Variants in ANKRD11 observed in about 807,000 individuals in gnomAD.
ANKRD11 encodes the protein ankyrin repeat domain-containing protein 11.
ANKRD11 carries 17 observed loss-of-function variants against 195.7 expected under a neutral mutation model. The observed-to-expected ratio is 0.09, with a 90% confidence interval of 0.06 to 0.13. ANKRD11 has a LOEUF of 0.13. Ranked by LOEUF, ANKRD11 falls within the 10% of genes least tolerant of loss-of-function variation. The pLI, the probability that ANKRD11 is intolerant of heterozygous loss-of-function variation, is 1.00. For missense variants in ANKRD11, 3,735 were observed against 3,566.1 expected, an observed-to-expected ratio of 1.05 and a Z score of -1.21; for synonymous variants, 1,953 against 1,528.1, an observed-to-expected ratio of 1.28 and a Z score of -6.49.
intron 2 of ANKRD11, among the ~76,000 whole-genome samples, chr16:89,358,975 A>G (rs1006671733): frequency 6.6e-6 from 1 of 152,096 alleles, no homozygotes; most frequent in Admixed American, 6.6e-5. Context: ...ACAGGCATGC[A>G]CCACCACACC....
At chr16:89,324,375 C>A in intron 2 of ANKRD11, 1 of 772,134 alleles carries the variant, frequency 1.3e-6, no homozygotes, top group Non-Finnish European at 1.9e-6. Context: ...GAGGGCGGCA[C>A]GTGGGCGCAA....
chr16:89,323,145 G>A (rs554874512), intron 2 of ANKRD11: 9 of 367,648 alleles, frequency 2.4e-5, no homozygotes, highest in African/African-American at 4.4e-5. Context: ...GGAGAAGCAC[G>A]GTCTCCAGCG....
chr16:89,271,037 C>G, intron 11 of ANKRD11, 128 bp from the exon 12 acceptor site: 1 of 819,652 alleles, frequency 1.2e-6, no homozygotes, highest in Non-Finnish European at 2.0e-6. Flanking sequence ...CATTCCACCG[C>G]GCACACACTG....
chr16:89,436,527 G>A (rs1305311177), intron 1 of ANKRD11, among the ~76,000 whole-genome samples: 3 of 152,256 alleles, frequency 2.0e-5, no homozygotes, highest in South Asian at 2.1e-4. Flanking sequence ...AGCCTCAAGC[G>A]ACGTCTGCCT....
At chr16:89,470,478 G>A (rs1192905162) in intron 1 of ANKRD11, among the ~76,000 whole-genome samples, 3 of 151,968 alleles carry the variant, frequency 2.0e-5, no homozygotes, top group South Asian at 2.1e-4. Context: ...CAGACTAAAC[G>A]TAGGTAGGGA....
chr16:89,445,720 G>A (rs1211128216), intron 1 of ANKRD11, among the ~76,000 whole-genome samples: 1 of 151,972 alleles, frequency 6.6e-6, no homozygotes, highest in African/African-American at 2.4e-5. Context: ...CACGCCTATA[G>A]TCCCAGCACT....
At chr16:89,324,783 T>C (rs1212626800) in intron 2 of ANKRD11, 1 of 292,104 alleles carries the variant, frequency 3.4e-6, no homozygotes, top group Non-Finnish European at 6.7e-6. Flanking sequence ...AAAGCTGCGC[T>C]GTTGGCTTCC....
At chr16:89,298,027 T>TGGGGTA (rs1567603617) in intron 4 of ANKRD11, 1 of 38,692 alleles carries the variant, frequency 2.6e-5, no homozygotes, top group African/African-American at 1.0e-4. Flanking sequence ...CAGGCCGGGG[T>TGGGGTA]GGGGTAGGGG....
At chr16:89,371,168 C>G (rs2040176277) in intron 2 of ANKRD11, among the ~76,000 whole-genome samples, 1 of 152,170 alleles carries the variant, frequency 6.6e-6, no homozygotes, top group Non-Finnish European at 1.5e-5. Context: ...TGGCTGGTCC[C>G]ACCAAGGAAG....
intron 2 of ANKRD11, among the ~76,000 whole-genome samples, chr16:89,408,264 A>G (rs1741141381): frequency 6.6e-6 from 1 of 152,240 alleles, no homozygotes; most frequent in South Asian, 2.1e-4. Flanking sequence ...TCTCCACCCT[A>G]GAGAAGTGGC....
Position 89,388,289 on chromosome 16 carries a change from G to C in ANKRD11, c.-60+29995C>G, listed in dbSNP as rs1258523802. 3.9e-5 allele frequency among the ~76,000 whole-genome samples: 3 copies of C among 76,986 alleles called. No homozygotes were observed. The Admixed American group carries it at 4.2e-4, about 11-fold the overall frequency. The allele number at this position is 76,986 out of a possible 152,430, so 50.5% of individuals were successfully genotyped here. On this transcript the variant is annotated intron_variant, in intron 2 of 12. Transcript: ENST00000301030. Reference sequence around the variant, plus strand: ...CCGGGTGCTCTCTTCTCTCCATGAGGCTGATTTTTTTTTTTTTTTTTTTTT... The same window carrying C: ...CCGGGTGCTCTCTTCTCTCCATGAGCCTGATTTTTTTTTTTTTTTTTTTTT...
At position 89,281,619 on chromosome 16, in the gene ANKRD11, T is replaced by C. The variant is rs757108566; in HGVS notation, c.4923A>G (p.Lys1641=). The C allele has an allele frequency of 6.2e-7, 1 of 1,614,058 alleles. No individual in the cohort carries two copies. The highest frequency in any genetic ancestry group is 1.3e-5 in the African/African-American group (1 of 74,980). ...RKKGLDIPAK[K]PPGLDPPFKD... ...TAAATGGAGGGTCCAGCCCCGGCGG[T>C]TTCTTAGCAGGAATGTCCAGACCCT... The change falls in exon 9 of 13, where the codon AAA becomes AAG. Residue 1641 remains lysine (K), a synonymous_variant. Transcript: ENST00000301030. The surrounding 1 kb of genome is among the most constrained non-coding windows in gnomAD (Gnocchi z 5.5).
chr16:89,461,060 C>T (rs564379953), intron 1 of ANKRD11, among the ~76,000 whole-genome samples: 18 of 124,934 alleles, frequency 1.4e-4, no homozygotes, highest in Non-Finnish European at 2.6e-4. Context: ...CCGCAGGAGA[C>T]GCACCTTGAG....
At chr16:89,438,434 C>T (rs2043307140) in intron 1 of ANKRD11, among the ~76,000 whole-genome samples, 2 of 151,938 alleles carry the variant, frequency 1.3e-5, no homozygotes, top group South Asian at 4.2e-4. Context: ...ATTCTCCTGT[C>T]TCACCCACCC....
intron 2 of ANKRD11, 23 bp downstream of exon 2, chr16:89,418,261 T>TA (rs1567777382): frequency 1.5e-5 from 7 of 452,882 alleles, no homozygotes; most frequent in South Asian, 1.1e-4. Flanking sequence ...CATAAATTGA[T>TA]AGAGAATGCA....
At chr16:89,452,351 A>G (rs2044115353) in intron 1 of ANKRD11, among the ~76,000 whole-genome samples, 1 of 152,194 alleles carries the variant, frequency 6.6e-6, no homozygotes, top group Non-Finnish European at 1.5e-5. Flanking sequence ...ACAAGCCAAG[A>G]GGGCAAGGTA....
chr16:89,387,447 C>T (rs1301185774), intron 2 of ANKRD11, among the ~76,000 whole-genome samples: 2 of 149,904 alleles, frequency 1.3e-5, no homozygotes, highest in Non-Finnish European at 3.0e-5. Context: ...CTGAGGCGGG[C>T]AGATCACGAG....
intron 2 of ANKRD11, among the ~76,000 whole-genome samples, chr16:89,378,610 G>T (rs79664409): frequency 6.6e-6 from 1 of 152,196 alleles, no homozygotes; most frequent in Non-Finnish European, 1.5e-5. Flanking sequence ...AGCATGACTA[G>T]CAAGTGCTCA....
At chr16:89,470,636 G>A (rs1040555837) in intron 1 of ANKRD11, among the ~76,000 whole-genome samples, 1 of 151,822 alleles carries the variant, frequency 6.6e-6, no homozygotes, top group Non-Finnish European at 1.5e-5. Context: ...ACAAGGTCAG[G>A]AGATCGAGAC....
Sources: gnomAD v4.1 joint callset for allele counts (sites outside exome capture counted in the v4.1 genomes callset) on GRCh38, gnomAD v4.1.1 for gene constraint, Gnocchi (gnomAD v3.1) non-coding constraint, MANE v1.5 for transcripts, NCBI Gene and HGNC (gene_info 2026-07-23, HGNC 2026-07-21) for gene names.